Variants in KIAA0319L observed in about 807,000 individuals in gnomAD.
KIAA0319L encodes dyslexia-associated protein KIAA0319-like protein.
A neutral mutation model predicts 120.1 loss-of-function variants in KIAA0319L; 55 were observed. The observed-to-expected ratio is 0.46, with a 90% CI of 0.37 to 0.57. KIAA0319L has a LOEUF of 0.57. Ranked by LOEUF, KIAA0319L falls within the 20% of genes least tolerant of loss-of-function variation. The pLI, the probability that KIAA0319L is intolerant of heterozygous loss-of-function variation, is 0.00. For synonymous variants in KIAA0319L, 398 were observed against 471.9 expected (o/e 0.84, Z 2.03); for missense variants, 1,049 against 1,255.3 (o/e 0.84, Z 2.48).
chr1:35,451,963 T>G (rs1353847820), intron 12 of KIAA0319L, among the ~76,000 whole-genome samples, 187 bp from the exon 13 acceptor site: 1 of 152,228 alleles, frequency 6.6e-6, no homozygotes, highest in African/African-American at 2.4e-5. Context: ...ACAGGCTGCC[T>G]GCTGGTCAGA....
intron 2 of KIAA0319L, among the ~76,000 whole-genome samples, chr1:35,511,924 A>G (rs902967277): frequency 6.6e-6 from 1 of 152,214 alleles, no homozygotes; most frequent in African/African-American, 2.4e-5. Flanking sequence ...GTTCTTATTT[A>G]TATTTTTAAC....
At position 35,514,111 on chromosome 1, in the gene KIAA0319L, A is replaced by T. The variant is rs528600545; in HGVS notation, c.143-6976T>A. ...CTAGTCTATTAGTTCTTCCTGGGGT[A>T]ATGGTTAAGTGAATTACGGCATAGC... On this transcript the variant is annotated intron_variant, in intron 2 of 20. Transcript: ENST00000325722. Among the ~76,000 whole-genome samples the T allele has an allele frequency of 3.3e-5, 5 of 152,296 alleles. No homozygotes were observed. In the South Asian group the frequency reaches 1.0e-3, roughly 32 times the overall value.
intron 3 of KIAA0319L, among the ~76,000 whole-genome samples, chr1:35,485,803 A>AT (rs776571184): frequency 7.3e-5 from 11 of 151,584 alleles, no homozygotes; most frequent in Admixed American, 2.0e-4. Flanking sequence ...TTATTTATTT[A>AT]TTTTTTTTCC....
At chr1:35,484,552 G>T (rs1227743019) in intron 3 of KIAA0319L, among the ~76,000 whole-genome samples, 1 of 151,792 alleles carries the variant, frequency 6.6e-6, no homozygotes, top group Non-Finnish European at 1.5e-5. Flanking sequence ...AGATTCTTTA[G>T]AATTTTCTAG....
At chr1:35,444,363 A>T in intron 16 of KIAA0319L, 60 bp from the exon 17 acceptor site, 1 of 1,461,168 alleles carries the variant, frequency 6.8e-7, no homozygotes, top group South Asian at 1.4e-5. Flanking sequence ...AGCAACAGCT[A>T]ACATTTACTA....
rs1199047836 is a variant in KIAA0319L, at chr1:35,507,296, G to GT, written c.143-162dup. Among the ~76,000 whole-genome samples, 10 of 152,230 alleles carry GT rather than the reference G, an allele frequency of 6.6e-5. No individual in the cohort carries two copies. The East Asian group carries it at 1.9e-3, about 29-fold the overall frequency. Reference sequence around the variant, plus strand: ...TGGAACAAAGGAAGTGAAAGAGAGTGTTTTTTGTCTTCGGATATTTTAGGT... The same window carrying GT: ...TGGAACAAAGGAAGTGAAAGAGAGTGTTTTTTTGTCTTCGGATATTTTAGGT... On this transcript the variant is annotated intron_variant, in intron 2 of 20. Transcript: ENST00000325722.
intron 9 of KIAA0319L, among the ~76,000 whole-genome samples, chr1:35,458,043 C>T (rs771472018): frequency 6.6e-6 from 1 of 152,168 alleles, no homozygotes. Context: ...TCACGCCATT[C>T]TCCTGCCTCA....
Position 35,479,130 on chromosome 1 carries a change from A to C in KIAA0319L, c.749T>G (p.Val250Gly). The C allele has an allele frequency of 6.2e-7, 1 of 1,614,176 alleles. No homozygotes were observed. Residue 250 changes from valine to glycine, a missense_variant, in exon 4 of 21, where the codon GTG becomes GGG. By Grantham distance (109) the Val-to-Gly change is moderately radical (BLOSUM62 -3). Transcript: ENST00000325722. ...AAGACCCTCTGATATTTCAGGTTGC[A>C]CTGATACATTCTTTGGCCCACCAGA... ...ELSGGPKNVS[V>G]QPEISEGLAT...
chr1:35,449,857 A>C lies in KIAA0319L; in HGVS notation c.2353+10T>G. On this transcript the variant is annotated intron_variant, in intron 15 of 20. Transcript: ENST00000325722. The stretch of plus-strand genomic sequence containing the variant: ...CAATTCTACTCAGCCTCATCACTAA[A>C]TGAACTCACCAGGTTTCACCTCCAC... The C allele has an allele frequency of 6.2e-7, 1 of 1,613,860 alleles. No homozygotes were observed. Among genetic ancestry groups the C allele is most frequent in the Non-Finnish European group, 8.5e-7 (1 of 1,179,964 alleles).
At chr1:35,528,271 AG>A (rs1646231637) in intron 2 of KIAA0319L, among the ~76,000 whole-genome samples, 2 of 152,244 alleles carry the variant, frequency 1.3e-5, no homozygotes, top group Admixed American at 6.5e-5. Context: ...TTGTAGAGAC[AG>A]GGTCTCAATA....
rs767706293 is a variant in KIAA0319L at position 35,456,221 on chromosome 1, T to C, written c.1448A>G (p.Asp483Gly). 6.3e-7 allele frequency: 1 copy of C among 1,598,120 alleles called. No individual in the cohort carries two copies. Among genetic ancestry groups the C allele is most frequent in the Non-Finnish European group, 8.5e-7 (1 of 1,170,888 alleles). The part of the protein sequence containing the change: ...YTFSLTVVDS[D>G]GATNSTTANL... ...TGCAGTAGTAGAGTTGGTAGCTCCATCAGAGTCTACTACAGTCAAGCTATC... is the reference window on the plus strand; with the variant it reads ...TGCAGTAGTAGAGTTGGTAGCTCCACCAGAGTCTACTACAGTCAAGCTATC... The change falls in exon 10 of 21, where the codon GAT becomes GGT. Residue 483 changes from aspartate to glycine, a missense_variant. Asp to Gly is a moderately conservative substitution (Grantham distance 94, BLOSUM62 -1). Transcript: ENST00000325722.
At chr1:35,456,922 A>T (rs925498581) in intron 9 of KIAA0319L, among the ~76,000 whole-genome samples, 2 of 123,960 alleles carry the variant, frequency 1.6e-5, no homozygotes, top group Non-Finnish European at 3.1e-5. Context: ...GAATGAAGGA[A>T]GGAAGGAAGG....
chr1:35,459,894 C>CA (rs1438714416), intron 9 of KIAA0319L, among the ~76,000 whole-genome samples: 2 of 152,068 alleles, frequency 1.3e-5, no homozygotes, highest in African/African-American at 2.4e-5. Flanking sequence ...AACCACTAGT[C>CA]AAACATAAAG....
At chr1:35,551,952 G>C (rs894689976) in intron 2 of KIAA0319L, among the ~76,000 whole-genome samples, 7 of 151,922 alleles carry the variant, frequency 4.6e-5, no homozygotes, top group African/African-American at 9.7e-5. Context: ...CCAAGTGCTA[G>C]ATTGGAAAGC....
At chr1:35,521,850 G>A (rs1438406432) in intron 2 of KIAA0319L, among the ~76,000 whole-genome samples, 4 of 151,210 alleles carry the variant, frequency 2.6e-5, no homozygotes, top group Non-Finnish European at 4.4e-5. Context: ...GCGGGCGCCT[G>A]TAGTCCCAGC....
intron 2 of KIAA0319L, among the ~76,000 whole-genome samples, chr1:35,536,224 G>A (rs1370086891): frequency 6.6e-6 from 1 of 152,168 alleles, no homozygotes; most frequent in Non-Finnish European, 1.5e-5. Flanking sequence ...GAAAAGCAGA[G>A]TGGATAAAAA....
chr1:35,450,066 A>C, intron 14 of KIAA0319L, 61 bp from the exon 15 acceptor site: 1 of 1,597,186 alleles, frequency 6.3e-7, no homozygotes, highest in Non-Finnish European at 8.6e-7. Context: ...TCCTGGAGTC[A>C]GTTGCTGCTT....
chr1:35,443,114 C>A, intron 17 of KIAA0319L, 86 bp from the exon 18 acceptor site: 2 of 1,521,066 alleles, frequency 1.3e-6, no homozygotes, highest in Non-Finnish European at 1.8e-6. Flanking sequence ...GGCACCAAAG[C>A]ACCCCAGATT....
intron 5 of KIAA0319L, among the ~76,000 whole-genome samples, chr1:35,472,465 T>C (rs1334063174): frequency 6.6e-6 from 1 of 152,150 alleles, no homozygotes; most frequent in Non-Finnish European, 1.5e-5. Context: ...CTAATTTTTG[T>C]ATTTTTAGTA....
Sources: gnomAD v4.1 joint callset for allele counts (sites outside exome capture counted in the v4.1 genomes callset) on GRCh38, gnomAD v4.1.1 for gene constraint, MANE v1.5 for transcripts, NCBI Gene and HGNC (gene_info 2026-07-23, HGNC 2026-07-21) for gene names.